Variants in CPLANE1 observed in about 807,000 individuals in gnomAD.
CPLANE1 encodes the protein ciliogenesis and planar polarity effector 1.
Under a neutral mutation model 362.5 loss-of-function variants are expected in CPLANE1, and 263 were observed. The ratio of observed to expected loss-of-function variants is 0.73; its 90% confidence interval spans 0.66 to 0.80. The LOEUF (loss-of-function observed/expected upper bound fraction) is 0.80. CPLANE1 is among the 30% of genes least tolerant of loss of function. The pLI, the probability that CPLANE1 is intolerant of heterozygous loss-of-function variation, is 0.00. For synonymous variants in CPLANE1, 1,212 were observed against 1,302.6 expected (o/e 0.93, Z 1.50); for missense variants, 3,461 against 3,793.4 (o/e 0.91, Z 2.30).
chr5:37,107,620 G>A lies in CPLANE1; in HGVS notation c.9738C>T (p.His3246=). 4 of 1,610,718 alleles carry A rather than the reference G, an allele frequency of 2.5e-6. No individual in the cohort carries two copies. The highest frequency in any genetic ancestry group is 3.4e-6 in the Non-Finnish European group (4 of 1,179,154). Residue 3246 remains histidine (H), a synonymous_variant, in exon 53 of 53, where the codon CAC becomes CAT. Transcript: ENST00000651892. ...ASVEDQGLSV[H]WALDL ...CCAGGTCTTACAGGTCCAGGGCCCA[G>A]TGGACAGACAGGCCCTGGTCCTCCA...
intron 52 of CPLANE1, 88 bp downstream of exon 52, chr5:37,108,202 AAAC>A (rs1758073134): frequency 7.0e-6 from 9 of 1,294,448 alleles, no homozygotes; most frequent in Non-Finnish European, 8.7e-6. Flanking sequence ...ATCCCACAAA[AAAC>A]AAACTAAAAA....
chr5:37,148,674 T>C (rs1309312079), intron 42 of CPLANE1, among the ~76,000 whole-genome samples: 1 of 152,218 alleles, frequency 6.6e-6, no homozygotes. Flanking sequence ...CTTCCAGGAC[T>C]ATAAGCTGTT....
chr5:37,157,991 AAAG>A (rs1775662696), intron 39 of CPLANE1, 123 bp from the exon 40 acceptor site: 2 of 807,894 alleles, frequency 2.5e-6, no homozygotes, highest in African/African-American at 3.5e-5. Context: ...AAAAACAAGG[AAAG>A]AAGGGCCTGA....
intron 9 of CPLANE1, among the ~76,000 whole-genome samples, chr5:37,230,245 C>T (rs1399820265): frequency 6.8e-6 from 1 of 146,538 alleles, no homozygotes; most frequent in Admixed American, 6.8e-5. Context: ...GAATAACTAA[C>T]CCAAAGTCAT....
At chr5:37,231,096 G>T in intron 8 of CPLANE1, 47 bp from the exon 9 acceptor site, 1 of 1,349,594 alleles carries the variant, frequency 7.4e-7, no homozygotes, top group African/African-American at 1.5e-5. Flanking sequence ...ACTTTACAAT[G>T]TCTATGACGA....
intron 34 of CPLANE1, among the ~76,000 whole-genome samples, chr5:37,168,022 C>A (rs1561471107): frequency 2.0e-5 from 3 of 152,160 alleles, no homozygotes; most frequent in African/African-American, 7.2e-5. Context: ...TAAGGAATAA[C>A]CATTTCCTTT....
chr5:37,180,932 C>T lies in CPLANE1; in HGVS notation c.5495G>A (p.Gly1832Asp). 2 of 1,613,702 alleles carry T rather than the reference C, an allele frequency of 1.2e-6. No individual in the cohort carries two copies. Among genetic ancestry groups the T allele is most frequent in the South Asian group, 1.1e-5 (1 of 91,076 alleles). The change falls in exon 27 of 53, where the codon GGT (glycine) becomes GAT (aspartate). Residue 1832 changes from glycine (G) to aspartate (D), a missense_variant. Physicochemically the swap from Gly to Asp is moderately conservative, Grantham distance 94 (BLOSUM62 -1). Transcript: ENST00000651892. ...ACCTGGAGTTGCTACTGCAACTGAA[C>T]CGCCAGCATCTGATTTGCTCTCCCT... ...IERESKSDAG[G>D]SVAVATPGGT...
intron 16 of CPLANE1, chr5:37,212,282 G>C: frequency 8.2e-7 from 1 of 1,224,834 alleles, no homozygotes; most frequent in Non-Finnish European, 1.2e-6. Flanking sequence ...GCTCAAAAAA[G>C]ATGGTCCAGG....
intron 46 of CPLANE1, among the ~76,000 whole-genome samples, chr5:37,127,851 TTG>T (rs1764657793): frequency 1.3e-5 from 2 of 152,154 alleles, no homozygotes; most frequent in African/African-American, 4.8e-5. Context: ...ATTTATTTAT[TTG>T]TGTTTTTGAA....
At chr5:37,087,585 T>C in the CPLANE1 span, among the ~76,000 whole-genome samples, 186 of 152,266 alleles carry the variant, frequency 1.2e-3, 1 homozygote, top group African/African-American at 4.3e-3. Flanking sequence ...GCCTCCCGCG[T>C]AGCTGGGACT....
At chr5:37,081,473 C>T in the CPLANE1 span, among the ~76,000 whole-genome samples, 1 of 151,910 alleles carries the variant, frequency 6.6e-6, no homozygotes, top group African/African-American at 2.4e-5. Context: ...CAGGCACGTA[C>T]CATCACACCT....
rs1279112758 is a variant in CPLANE1 at position 37,198,878 on chromosome 5, A to G, written c.3508-12T>C. On this transcript the variant is annotated splice_polypyrimidine_tract_variant and intron_variant, in intron 19 of 52. Transcript: ENST00000651892. The stretch of plus-strand genomic sequence containing the variant: ...TCATCACCATCTTCCTGAGGAAAAT[A>G]AAACAATCCATTTTAGTGGCTAGTA... 1.2e-6 allele frequency: 2 copies of G among 1,612,456 alleles called. No individual in the cohort carries two copies. Among genetic ancestry groups the G allele is most frequent in the East Asian group, 2.2e-5 (1 of 44,832 alleles).
chr5:37,139,022 A>C (rs956707944), intron 45 of CPLANE1, among the ~76,000 whole-genome samples, 174 bp from the exon 46 acceptor site: 4 of 152,190 alleles, frequency 2.6e-5, no homozygotes, highest in African/African-American at 7.2e-5. Context: ...ACAAAAAGTA[A>C]TGACTTGGTA....
chr5:37,227,086 G>A lies in CPLANE1; in HGVS notation c.1522-13C>T, dbSNP rs905459933. 6.6e-7 allele frequency: 1 copy of A among 1,526,406 alleles called. No individual in the cohort carries two copies. Among genetic ancestry groups the A allele is most frequent in the African/African-American group, 1.4e-5 (1 of 71,750 alleles). The allele number at this position is 1,526,406 out of a possible 1,614,324, so 94.6% of individuals were successfully genotyped here. ...CTGCTTCAAAATCCTAAAACATGAG[G>A]GGAAAAAAATGATACTTAATACCAT... On this transcript the variant is annotated splice_polypyrimidine_tract_variant and intron_variant, in intron 11 of 52. Coordinates refer to ENST00000651892, the MANE Select transcript of CPLANE1 (RefSeq NM_001384732.1).
intron 32 of CPLANE1, among the ~76,000 whole-genome samples, chr5:37,172,470 G>A (rs1780064125): frequency 6.6e-6 from 1 of 152,210 alleles, no homozygotes; most frequent in Non-Finnish European, 1.5e-5. Flanking sequence ...TGGATAATGT[G>A]TTAAATATAT....
At chr5:37,149,565 GT>G (rs1254010668) in intron 42 of CPLANE1, among the ~76,000 whole-genome samples, 1 of 152,050 alleles carries the variant, frequency 6.6e-6, no homozygotes, top group Non-Finnish European at 1.5e-5. Context: ...TGTATACTAT[GT>G]TTTTTTCTAT....
intron 46 of CPLANE1, among the ~76,000 whole-genome samples, chr5:37,136,154 G>T (rs1767649310): frequency 6.6e-6 from 1 of 152,126 alleles, no homozygotes; most frequent in Admixed American, 6.6e-5. Flanking sequence ...AGACCCTCCT[G>T]CCTGTAAAAT....
the CPLANE1 span, among the ~76,000 whole-genome samples, chr5:37,086,710 T>C: frequency 6.6e-6 from 1 of 152,136 alleles, no homozygotes; most frequent in Non-Finnish European, 1.5e-5. Flanking sequence ...GTGTACTGAA[T>C]AAATACTGGG....
rs572494592 is a variant in CPLANE1, at chr5:37,223,782, C to T, written c.2581+471G>A. On this transcript the variant is annotated intron_variant, in intron 14 of 52. Transcript: ENST00000651892. ...CAAAAAGCCCTCGCTCCATGTTTCT[C>T]TAAGTCTGTAAGAAGGTGGTGAAAT... Among the ~76,000 whole-genome samples, 7 of 152,290 alleles carry T rather than the reference C, an allele frequency of 4.6e-5. No homozygotes were observed. In the South Asian group the frequency reaches 1.2e-3, roughly 27 times the overall value.
Sources: allele counts gnomAD v4.1 joint callset (sites outside exome capture counted in the v4.1 genomes callset), GRCh38; gene constraint gnomAD v4.1.1; transcripts MANE v1.5; gene names NCBI Gene and HGNC (gene_info 2026-07-23, HGNC 2026-07-21).